The following TXNDC8 variants were observed in gnomAD, a reference collection of about 807,000 sequenced individuals.
The protein encoded by TXNDC8 is thioredoxin domain-containing protein 8.
A neutral mutation model predicts 12.9 loss-of-function variants in TXNDC8; 15 were observed. The observed-to-expected ratio is 1.16, with a 90% CI of 0.78 to 1.79. The LOEUF (loss-of-function observed/expected upper bound fraction) is 1.79, where lower values mean the gene tolerates loss of function less well. Ranked by LOEUF, TXNDC8 falls within the 40% of genes most tolerant of loss-of-function variation. The pLI, the probability that TXNDC8 is intolerant of heterozygous loss-of-function variation, is 0.00. For missense variants in TXNDC8, 128 were observed against 113.2 expected, an observed-to-expected ratio of 1.13 and a Z score of -0.59; for synonymous variants, 40 against 35.4, an observed-to-expected ratio of 1.13 and a Z score of -0.46.
chr9:110,329,319 A>G (rs770234084), intron 2 of TXNDC8, 28 bp from the exon 3 acceptor site: 5 of 1,560,170 alleles, frequency 3.2e-6, no homozygotes, highest in Non-Finnish European at 3.5e-6. Flanking sequence ...AATATTTCCC[A>G]TTAGTTTGGT....
intron 2 of TXNDC8, among the ~76,000 whole-genome samples, chr9:110,330,834 G>C (rs1468814050): frequency 6.6e-6 from 1 of 152,140 alleles, no homozygotes; most frequent in East Asian, 1.9e-4. Context: ...TACAGGAAAA[G>C]TTTGTTGACC....
At chr9:110,330,711 T>G (rs1839513156) in intron 2 of TXNDC8, among the ~76,000 whole-genome samples, 3 of 152,254 alleles carry the variant, frequency 2.0e-5, no homozygotes, top group Admixed American at 6.5e-5. Flanking sequence ...TGGAACTAGT[T>G]GCCCATCTGT....
chr9:110,317,722 C>T lies in TXNDC8; in HGVS notation c.195+8453G>A, dbSNP rs114113181. Among the ~76,000 whole-genome samples the T allele has an allele frequency of 7.7e-3, 1,174 of 152,328 alleles. 16 individuals carry two copies. The highest frequency in any genetic ancestry group is 0.027 in the African/African-American group (1,118 of 41,572). On this transcript the variant is annotated intron_variant, in intron 3 of 4. Transcript: ENST00000423740. Reference sequence around the variant, plus strand: ...TGACATAGATCCCAGCCACATTGTTCAATGAGCACAGTGTAGCATTATGAC... The same window carrying T: ...TGACATAGATCCCAGCCACATTGTTTAATGAGCACAGTGTAGCATTATGAC...
At chr9:110,320,852 T>C (rs1030212737) in intron 3 of TXNDC8, among the ~76,000 whole-genome samples, 3 of 152,216 alleles carry the variant, frequency 2.0e-5, no homozygotes, top group African/African-American at 7.2e-5. Context: ...AAACATGGTG[T>C]GATGTCCTAG....
intron 3 of TXNDC8, among the ~76,000 whole-genome samples, chr9:110,310,710 A>G (rs1331634990): frequency 6.6e-6 from 1 of 152,224 alleles, no homozygotes; most frequent in Non-Finnish European, 1.5e-5. Flanking sequence ...TAGCTTTAAA[A>G]TTATTGGAAG....
At chr9:110,303,384 G>A (rs1587943212), downstream of TXNDC8, 5 of 974,040 alleles carry the variant, frequency 5.1e-6, no homozygotes, top group East Asian at 1.9e-4. Context: ...CAGTGAGATT[G>A]CATTATGGTA....
intron 2 of TXNDC8, 96 bp downstream of exon 2, chr9:110,334,120 G>A (rs1839651774): frequency 1.0e-6 from 1 of 965,336 alleles, no homozygotes; most frequent in South Asian, 1.7e-5. Flanking sequence ...CTCCAGAATG[G>A]CTCATAATTG....
chr9:110,329,595 G>C (rs936852066), intron 2 of TXNDC8, among the ~76,000 whole-genome samples: 4 of 152,190 alleles, frequency 2.6e-5, no homozygotes, highest in Admixed American at 1.3e-4. Flanking sequence ...CTTACTTTGT[G>C]GGGTGGAGGA....
chr9:110,336,963 A>G (rs748542050), intron 1 of TXNDC8, among the ~76,000 whole-genome samples: 2 of 152,218 alleles, frequency 1.3e-5, no homozygotes, highest in Admixed American at 1.3e-4. Flanking sequence ...CATCCCCAGA[A>G]TATTAAAACA....
At chr9:110,312,891 A>G (rs2118749949) in intron 3 of TXNDC8, among the ~76,000 whole-genome samples, 1 of 152,232 alleles carries the variant, frequency 6.6e-6, no homozygotes, top group East Asian at 1.9e-4. Flanking sequence ...TCTCTTGGCT[A>G]CAAGTCTTCT....
intron 2 of TXNDC8, among the ~76,000 whole-genome samples, chr9:110,333,832 T>G (rs1219638610): frequency 2.6e-5 from 4 of 152,218 alleles, no homozygotes; most frequent in Non-Finnish European, 4.4e-5. Context: ...TGGGAGAAAT[T>G]TATTCTTTTA....
At chr9:110,319,862 G>A (rs1839026255) in intron 3 of TXNDC8, among the ~76,000 whole-genome samples, 1 of 152,172 alleles carries the variant, frequency 6.6e-6, no homozygotes, top group South Asian at 2.1e-4. Context: ...ACTTGAAGGA[G>A]CATGCTGTTG....
At chr9:110,328,706 T>G (rs1007046077) in intron 2 of TXNDC8, among the ~76,000 whole-genome samples, 35 of 152,330 alleles carry the variant, frequency 2.3e-4, no homozygotes, top group African/African-American at 6.5e-4. Context: ...CTCGGGAGGC[T>G]GAGGCAGGAG....
At chr9:110,308,674 A>G (rs1390475570) in intron 3 of TXNDC8, among the ~76,000 whole-genome samples, 1 of 152,176 alleles carries the variant, frequency 6.6e-6, no homozygotes, top group African/African-American at 2.4e-5. Context: ...TGTCTTTAAA[A>G]AAAAAAAGGT....
intron 3 of TXNDC8, among the ~76,000 whole-genome samples, chr9:110,305,546 T>TTTCC (rs1554700781): frequency 5.2e-5 from 6 of 115,416 alleles, no homozygotes; most frequent in Non-Finnish European, 9.0e-5. Context: ...TGTATTTTCT[T>TTTCC]TTTCTTTCTT....
chr9:110,320,636 T>C lies in TXNDC8; in HGVS notation c.195+5539A>G, dbSNP rs138776066. Among the ~76,000 whole-genome samples the C allele has an allele frequency of 4.3e-4, 65 of 152,360 alleles. 1 individual carries two copies. The highest frequency in any genetic ancestry group is 1.5e-3 in the African/African-American group (61 of 41,592). ...AATATCCTAGTATTATCTCACATTT[T>C]AGTTTATGTGCCTATGTTCTTTTGT... On this transcript the variant is annotated intron_variant, in intron 3 of 4. Coordinates refer to ENST00000423740, the MANE Select transcript of TXNDC8 (RefSeq NM_001286946.2).
intron 3 of TXNDC8, among the ~76,000 whole-genome samples, chr9:110,318,206 T>A (rs567762199): frequency 1.4e-4 from 21 of 152,338 alleles, no homozygotes; most frequent in South Asian, 6.2e-4. Context: ...AGCATTCCTA[T>A]GTGTCTGACA....
chr9:110,309,963 C>A (rs1482871695), intron 3 of TXNDC8, among the ~76,000 whole-genome samples: 1 of 140,496 alleles, frequency 7.1e-6, no homozygotes, highest in Non-Finnish European at 1.6e-5. Flanking sequence ...TATTAATAAT[C>A]TCAGTTCCTT....
rs1480792294 is a variant in TXNDC8 at position 110,304,391 on chromosome 9, C to G, written c.261+76G>C. ...GCTTCTCCAGGCAGCAGCATTCTGC[C>G]TGAGTGTGTCATTATATTTATTCCT... is the stretch of plus-strand genomic sequence containing the variant. On this transcript the variant is annotated intron_variant, in intron 4 of 4. Transcript: ENST00000423740. 5.2e-6 allele frequency: 7 copies of G among 1,354,180 alleles called. No homozygotes were observed. The African/African-American group carries it at 7.3e-5, about 14-fold the overall frequency. The allele number at this position is 1,354,180 out of a possible 1,614,324, so 83.9% of individuals were successfully genotyped here.
Sources: gnomAD v4.1 joint callset for allele counts (sites outside exome capture counted in the v4.1 genomes callset) on GRCh38, gnomAD v4.1.1 for gene constraint, MANE v1.5 for transcripts, NCBI Gene and HGNC (gene_info 2026-07-23, HGNC 2026-07-21) for gene names.